The following DLG4 variants were observed in gnomAD, a reference collection of about 807,000 sequenced individuals.
The protein encoded by DLG4 is disks large homolog 4.
DLG4 carries 7 observed loss-of-function variants against 93.8 expected under a neutral mutation model. That is an observed-to-expected ratio of 0.07 (90% CI 0.04 to 0.14). The LOEUF (loss-of-function observed/expected upper bound fraction) is 0.14, where lower values mean the gene tolerates loss of function less well. Ranked by LOEUF, DLG4 falls within the 10% of genes least tolerant of loss-of-function variation. The pLI is 1.00. For missense variants in DLG4, 545 were observed against 992.9 expected, an observed-to-expected ratio of 0.55 and a Z score of 6.06; for synonymous variants, 341 against 387.6, an observed-to-expected ratio of 0.88 and a Z score of 1.41.
rs780319476 is a variant in DLG4 at position 7,204,523 on chromosome 17, G to A, written c.97-271C>T. 4 of 426,608 alleles carry A rather than the reference G, an allele frequency of 9.4e-6. No individual in the cohort carries two copies. The East Asian group carries it at 1.5e-4, about 16-fold the overall frequency. The allele number at this position is 426,608 out of a possible 1,614,324, so 26.4% of individuals were successfully genotyped here. A position where few individuals can be genotyped will look rare whatever the true frequency, so the allele number is the denominator to read the frequency against. On this transcript the variant is annotated intron_variant, in intron 2 of 19. Coordinates refer to ENST00000399506, the MANE Select transcript of DLG4 (RefSeq NM_001321075.3). ...CCCCCTGCATGTGGAAGGAGGTGTAGGAGAAGCGGGAAGGGAGACAGCCAG... is the reference window on the plus strand; with the variant it reads ...CCCCCTGCATGTGGAAGGAGGTGTAAGAGAAGCGGGAAGGGAGACAGCCAG...
At chr17:7,204,289 C>A (rs762418171) in intron 2 of DLG4, 37 bp from the exon 3 acceptor site, 2 of 1,546,840 alleles carry the variant, frequency 1.3e-6, no homozygotes, top group Non-Finnish European at 8.7e-7. Flanking sequence ...GCAGCCTGAG[C>A]CTTGACTCGA....
At position 7,203,829 on chromosome 17, in the gene DLG4, G is replaced by A. The variant is rs748138213; in HGVS notation, c.211-13C>T. 1.2e-6 allele frequency: 2 copies of A among 1,613,250 alleles called. No individual in the cohort carries two copies. The highest frequency in any genetic ancestry group is 2.2e-5 in the East Asian group (1 of 44,862). On this transcript the variant is annotated splice_polypyrimidine_tract_variant and intron_variant, in intron 4 of 19. Transcript: ENST00000399506. This position sits in a 1 kb window ranked among gnomAD's most constrained non-coding sequence, Gnocchi z 7.2. Reference sequence around the variant, plus strand: ...GACCTGAGTTACCCTGGGTGAAGGAGGGGAAGAGGGTCAGCTCCCCTCACT... The same window carrying A: ...GACCTGAGTTACCCTGGGTGAAGGAAGGGAAGAGGGTCAGCTCCCCTCACT...
chr17:7,218,536 C>G, upstream of DLG4: 1 of 1,556,998 alleles, frequency 6.4e-7, no homozygotes. Flanking sequence ...AAACGGGCTA[C>G]TCACCCAGCA....
At chr17:7,204,814 G>C in intron 2 of DLG4, 1 of 392,770 alleles carries the variant, frequency 2.5e-6, no homozygotes, top group Non-Finnish European at 3.5e-6. Context: ...CTGCACCCCG[G>C]GAATCCGGGG....
intron 8 of DLG4, among the ~76,000 whole-genome samples, chr17:7,201,345 C>T (rs1237244054): frequency 6.6e-6 from 1 of 152,122 alleles, no homozygotes; most frequent in African/African-American, 2.4e-5. Flanking sequence ...TCTCAACCAC[C>T]ATAATTTCGC....
At chr17:7,207,127 A>G (rs1237060849) in intron 2 of DLG4, among the ~76,000 whole-genome samples, 4 of 149,220 alleles carry the variant, frequency 2.7e-5, no homozygotes, top group Non-Finnish European at 5.9e-5. Context: ...GGGGATAGAA[A>G]GAAGATATGG....
Position 7,190,271 on chromosome 17 carries a change from AG to A in DLG4, c.*436del, listed in dbSNP as rs898589489. ...GAACATGGGGAATTACGATGAGGGC[AG>A]GGGTGACCCCAGACCCTGCCTTAGG... On this transcript the variant is annotated 3_prime_UTR_variant, in exon 20 of 20. Coordinates refer to ENST00000399506, the MANE Select transcript of DLG4 (RefSeq NM_001321075.3). 1 of 187,306 alleles carries A rather than the reference AG, an allele frequency of 5.3e-6. No individual in the cohort carries two copies. The highest frequency in any genetic ancestry group is 5.4e-5 in the Admixed American group (1 of 18,656). 11.6% of individuals were successfully genotyped at this position (187,306 alleles called of 1,614,324 possible).
chr17:7,219,293 G>A, upstream of DLG4: 1 of 695,176 alleles, frequency 1.4e-6, no homozygotes, highest in South Asian at 4.4e-5. Context: ...GAATCCATCT[G>A]CCTGGGCACA....
Position 7,205,077 on chromosome 17 carries a change from CGA to C in DLG4, c.97-827_97-826del, listed in dbSNP as rs2070387813. On this transcript the variant is annotated intron_variant, in intron 2 of 19. Coordinates refer to ENST00000399506, the MANE Select transcript of DLG4 (RefSeq NM_001321075.3). ...GGGCCCCGCCCCACGTTAGCCAGGC[CGA>C]GAGGAGGCCGGGCTGAAGAGGTTTG... The C allele has an allele frequency of 8.1e-6, 8 of 985,470 alleles. 1 individual carries two copies. In the South Asian group the frequency reaches 3.8e-4, roughly 46 times the overall value. 61.0% of individuals were successfully genotyped at this position (985,470 alleles called of 1,614,324 possible).
Position 7,193,538 on chromosome 17 carries a change from G to A in DLG4, c.1638C>T (p.Arg546=), listed in dbSNP as rs201604329. 2.3e-5 allele frequency: 35 copies of A among 1,535,950 alleles called. 1 individual carries two copies. The highest frequency in any genetic ancestry group is 1.1e-4 in the African/African-American group (8 of 72,056). The change falls in exon 16 of 20, where the codon CGC becomes CGT. Residue 546 remains arginine, a synonymous_variant. Coordinates refer to ENST00000399506, the MANE Select transcript of DLG4 (RefSeq NM_001321075.3). This position sits in a 1 kb window ranked among gnomAD's most constrained non-coding sequence, Gnocchi z 6.7. ...PIIILGPTKD[R]ANDDLLSEFP... Reference sequence around the variant, plus strand: ...ACTCGGAGAGAAGATCATCGTTGGCGCGGTCCTTGGTGGGCCCAAGGATGA... The same window carrying A: ...ACTCGGAGAGAAGATCATCGTTGGCACGGTCCTTGGTGGGCCCAAGGATGA...
Position 7,208,276 on chromosome 17 carries a change from C to T in DLG4, c.31-37G>A, listed in dbSNP as rs371694951. ...GACGGAGGTGTCACTGGGGCCAGCC[C>T]GGTGCCTCAGGCTCCAGGCTGGCCG... is the stretch of plus-strand genomic sequence containing the variant. On this transcript the variant is annotated intron_variant, in intron 1 of 19. Coordinates refer to ENST00000399506, the MANE Select transcript of DLG4 (RefSeq NM_001321075.3). This position sits in a 1 kb window ranked among gnomAD's most constrained non-coding sequence, Gnocchi z 5.4. 2.0e-5 allele frequency: 26 copies of T among 1,309,104 alleles called. No individual in the cohort carries two copies. The highest frequency in any genetic ancestry group is 2.8e-5 in the East Asian group (1 of 35,648). 81.1% of individuals were successfully genotyped at this position (1,309,104 alleles called of 1,614,324 possible).
At chr17:7,202,671 T>C (rs1305658915) in intron 8 of DLG4, 1 of 569,076 alleles carries the variant, frequency 1.8e-6, no homozygotes, top group South Asian at 3.2e-5. Flanking sequence ...AAATTAGCCA[T>C]AAAACCAACC....
chr17:7,213,091 CTTTCTTT>C (rs1383667364), intron 1 of DLG4, among the ~76,000 whole-genome samples: 31 of 99,516 alleles, frequency 3.1e-4, no homozygotes, highest in African/African-American at 1.1e-3. Flanking sequence ...TTCTTTCTTT[CTTTCTTT>C]TTTTTTTTTT....
At chr17:7,217,786 C>A (rs72839706), upstream of DLG4, 47,789 of 1,535,062 alleles carry the variant, frequency 0.031, 927 homozygotes, top group Middle Eastern at 0.041. Context: ...GGAGACCTGG[C>A]CAGCCACCAG....
At chr17:7,217,011 C>G (rs1597505267) in intron 1 of DLG4, 107 bp downstream of exon 1, 1 of 1,063,744 alleles carries the variant, frequency 9.4e-7, no homozygotes, top group Non-Finnish European at 1.2e-6. Flanking sequence ...ATACATCTTA[C>G]TTCTGATGCT....
Position 7,190,873 on chromosome 17 carries a change from A to AG in DLG4, c.2069-60dup, listed in dbSNP as rs1207639685. 2.9e-5 allele frequency: 42 copies of AG among 1,426,766 alleles called. No homozygotes were observed. The East Asian group carries it at 7.6e-4, about 26-fold the overall frequency. The allele number at this position is 1,426,766 out of a possible 1,614,324, so 88.4% of individuals were successfully genotyped here. On this transcript the variant is annotated intron_variant, in intron 19 of 19. Coordinates refer to ENST00000399506, the MANE Select transcript of DLG4 (RefSeq NM_001321075.3). ...GGAAGGGCCAGAGGACACCTGGCCA[A>AG]GGGGGTTGCACCAGCCCAGAGGAAG... is the stretch of plus-strand genomic sequence containing the variant.
At position 7,203,676 on chromosome 17, in the gene DLG4, T is replaced by C. The variant is rs762961869; in HGVS notation, c.335+16A>G. On this transcript the variant is annotated intron_variant, in intron 5 of 19. Coordinates refer to ENST00000399506, the MANE Select transcript of DLG4 (RefSeq NM_001321075.3). The surrounding 1 kb of genome is among the most constrained non-coding windows in gnomAD (Gnocchi z 7.2). ...TCCAGGGACCAAGCAACCTAACCCCTGTCTCCTCTCCCCACCTGAGGCGGC... is the reference window on the plus strand; with the variant it reads ...TCCAGGGACCAAGCAACCTAACCCCCGTCTCCTCTCCCCACCTGAGGCGGC... The C allele has an allele frequency of 3.7e-6, 6 of 1,613,722 alleles. No homozygotes were observed. Among genetic ancestry groups the C allele is most frequent in the South Asian group, 1.1e-5 (1 of 91,058 alleles).
chr17:7,205,945 G>T lies in DLG4; in HGVS notation c.97-1693C>A, dbSNP rs2070445976. On this transcript the variant is annotated intron_variant, in intron 2 of 19. Transcript: ENST00000399506. ...TCATTTGCTTCCCATCCCTATCTCTGCCCGCATCCCACATGCTCCATCTCC... is the reference window on the plus strand; with the variant it reads ...TCATTTGCTTCCCATCCCTATCTCTTCCCGCATCCCACATGCTCCATCTCC... 2.0e-5 allele frequency among the ~76,000 whole-genome samples: 3 copies of T among 150,912 alleles called. No individual in the cohort carries two copies. The South Asian group carries it at 6.3e-4, about 32-fold the overall frequency.
chr17:7,218,909 C>T, upstream of DLG4: 2 of 1,583,474 alleles, frequency 1.3e-6, no homozygotes, highest in Non-Finnish European at 8.7e-7. Context: ...AGCTGCTTCT[C>T]CCCACTAAAT....
Sources: gnomAD v4.1 joint callset for allele counts (sites outside exome capture counted in the v4.1 genomes callset) on GRCh38, gnomAD v4.1.1 for gene constraint, Gnocchi (gnomAD v3.1) non-coding constraint, MANE v1.5 for transcripts, NCBI Gene and HGNC (gene_info 2026-07-23, HGNC 2026-07-21) for gene names.